DGKZ: variants seen among roughly 807,000 people sequenced by gnomAD.
The protein encoded by DGKZ is DAG kinase zeta.
Under a neutral mutation model 142.5 loss-of-function variants are expected in DGKZ, and 45 were observed. The ratio of observed to expected loss-of-function variants is 0.32; its 90% CI spans 0.25 to 0.40. The LOEUF is 0.40. Ranked by LOEUF, DGKZ falls within the 10% of genes least tolerant of loss-of-function variation. The pLI, the probability that DGKZ is intolerant of heterozygous loss-of-function variation, is 1.00. For synonymous variants in DGKZ, 442 were observed against 527.0 expected, an observed-to-expected ratio of 0.84 and a Z score of 2.21; for missense variants, 755 against 1,306.5, an observed-to-expected ratio of 0.58 and a Z score of 6.51.
Position 46,368,083 on chromosome 11 carries a change from G to A in DGKZ, c.444+4G>A, listed in dbSNP as rs1372141226. On this transcript the variant is annotated splice_donor_region_variant and intron_variant, in intron 4 of 30. Coordinates refer to ENST00000527911, the Ensembl canonical transcript of DGKZ. Reference sequence around the variant, plus strand: ...CTGCATCGAGCAGCTGGAGAAGGTGGGTGGGTAGCTCAGCTTTGCCCGCCC... The same window carrying A: ...CTGCATCGAGCAGCTGGAGAAGGTGAGTGGGTAGCTCAGCTTTGCCCGCCC... 4.3e-6 allele frequency: 7 copies of A among 1,613,964 alleles called. No individual in the cohort carries two copies. The highest frequency in any genetic ancestry group is 5.9e-6 in the Non-Finnish European group (7 of 1,180,010).
chr11:46,378,593 AG>A (rs1565088273), intron 27 of DGKZ, 93 bp downstream of exon 27: 1 of 1,523,176 alleles, frequency 6.6e-7, no homozygotes, highest in Non-Finnish European at 9.1e-7. Context: ...TGACCTGCTC[AG>A]GTGCTGTCAT....
chr11:46,379,961 G>A (rs1214794173), exon 31 of DGKZ: 1 of 1,594,672 alleles, frequency 6.3e-7, no homozygotes, highest in Non-Finnish European at 8.5e-7. Flanking sequence ...GCCGCCCACG[G>A]GCAGCAGGAG....
At chr11:46,366,735 G>A (rs1943325115) in intron 1 of DGKZ, 1 of 1,552,334 alleles carries the variant, frequency 6.4e-7, no homozygotes, top group Non-Finnish European at 8.7e-7. Flanking sequence ...CGCTACCTGC[G>A]CCGAGCCTCC....
chr11:46,373,528 CTCACTG>C (rs1040029013), intron 14 of DGKZ, among the ~76,000 whole-genome samples: 1 of 147,002 alleles, frequency 6.8e-6, no homozygotes, highest in African/African-American at 2.5e-5. Context: ...GTGACAGAGT[CTCACTG>C]TCACCCAGGC....
chr11:46,345,176 C>T, upstream of DGKZ: 1 of 1,039,166 alleles, frequency 9.6e-7, no homozygotes, highest in Non-Finnish European at 1.3e-6. The surrounding 1 kb of genome is among the most constrained non-coding windows in gnomAD (Gnocchi z 4.1). Context: ...GGTGCAGATT[C>T]CAGCCCAAGC....
At position 46,372,386 on chromosome 11, in the gene DGKZ, C is replaced by T; in HGVS notation, c.928-42C>T. 6.2e-7 allele frequency: 1 copy of T among 1,605,986 alleles called. No individual in the cohort carries two copies. The highest frequency in any genetic ancestry group is 8.5e-7 in the Non-Finnish European group (1 of 1,172,856). ...CTCCCTCTGCTGCTCCCACTTCGTC[C>T]CACCACTGCCTGACTGTCTCTTGGC... On this transcript the variant is annotated intron_variant, in intron 10 of 30. Coordinates refer to ENST00000527911, the Ensembl canonical transcript of DGKZ. The surrounding 1 kb of genome is among the most constrained non-coding windows in gnomAD (Gnocchi z 5.9).
At position 46,347,502 on chromosome 11, in the gene DGKZ, A is replaced by G. The variant is rs1215073877; in HGVS notation, c.-158A>G. On this transcript the variant is annotated 5_prime_UTR_variant, in exon 1 of 31. Coordinates refer to ENST00000527911, the Ensembl canonical transcript of DGKZ. This position sits in a 1 kb window ranked among gnomAD's most constrained non-coding sequence, Gnocchi z 6.4. ...CGGCGGCGGCAGCGGCTTCCCGGGCACCTGGGCGTGGGGAGCGGGGGCGCG... is the reference window on the plus strand; with the variant it reads ...CGGCGGCGGCAGCGGCTTCCCGGGCGCCTGGGCGTGGGGAGCGGGGGCGCG... 9.2e-6 allele frequency: 9 copies of G among 981,410 alleles called. No homozygotes were observed. Among genetic ancestry groups the G allele is most frequent in the Non-Finnish European group, 9.7e-6 (8 of 828,764 alleles). 60.8% of individuals were successfully genotyped at this position (981,410 alleles called of 1,614,324 possible).
chr11:46,375,300 C>T (rs1010576589), intron 19 of DGKZ, 132 bp from the exon 20 acceptor site: 1 of 1,092,644 alleles, frequency 9.2e-7, no homozygotes, highest in Non-Finnish European at 1.3e-6. Flanking sequence ...TCAGCCTCCC[C>T]TCTGCCCTCT....
At chr11:46,351,572 A>T (rs190380201) in intron 1 of DGKZ, among the ~76,000 whole-genome samples, 69 of 152,304 alleles carry the variant, frequency 4.5e-4, no homozygotes, top group African/African-American at 1.6e-3. Flanking sequence ...TGCAGAGGTG[A>T]GAACCCTGTC....
Position 46,372,559 on chromosome 11 carries a change from C to A in DGKZ, c.1010+49C>A, listed in dbSNP as rs776975371. ...GGGGGACATGGGGGGGAACTTGCCT[C>A]ACTCCTGGGGTACAGCACACATCCC... On this transcript the variant is annotated intron_variant, in intron 11 of 30. Coordinates refer to ENST00000527911, the Ensembl canonical transcript of DGKZ. The surrounding 1 kb of genome is among the most constrained non-coding windows in gnomAD (Gnocchi z 5.9). 12 of 1,613,832 alleles carry A rather than the reference C, an allele frequency of 7.4e-6. No individual in the cohort carries two copies. In the South Asian group the frequency reaches 1.3e-4, roughly 18 times the overall value.
Position 46,374,566 on chromosome 11 carries a change from C to T in DGKZ, c.1462-38C>T, listed in dbSNP as rs745560610. 17 of 1,600,284 alleles carry T rather than the reference C, an allele frequency of 1.1e-5. 1 individual carries two copies. In the South Asian group the frequency reaches 1.9e-4, roughly 18 times the overall value. ...CTGCCGGGTGCTGGTGAGGAAAGAT[C>T]TCTGTCAGCAGATGGTGACGCCCTC... On this transcript the variant is annotated intron_variant, in intron 16 of 30. Transcript: ENST00000527911.
intron 1 of DGKZ, among the ~76,000 whole-genome samples, chr11:46,335,976 G>A (rs1246962433): frequency 6.6e-6 from 1 of 152,256 alleles, no homozygotes; most frequent in Non-Finnish European, 1.5e-5. Context: ...GTTCCGTGCA[G>A]CTCTGGCTGG....
exon 1 of DGKZ, chr11:46,333,207 G>A: frequency 8.2e-7 from 1 of 1,213,028 alleles, no homozygotes; most frequent in Non-Finnish European, 1.0e-6. Context: ...GGCCCGGGCG[G>A]ACTGGAGACT....
chr11:46,380,211 G>C (rs1945063348), exon 31 of DGKZ: 1 of 370,604 alleles, frequency 2.7e-6, no homozygotes, highest in Admixed American at 4.4e-5. Flanking sequence ...GCCTTTGCCG[G>C]GGTTCTGGGG....
At chr11:46,378,158 T>A (rs1272868928) in intron 25 of DGKZ, 40 bp from the exon 26 acceptor site, 3 of 1,597,050 alleles carry the variant, frequency 1.9e-6, no homozygotes, top group Non-Finnish European at 2.6e-6. Context: ...CCAGCTGGCC[T>A]GTGCCGTAGC....
intron 24 of DGKZ, 106 bp from the exon 25 acceptor site, chr11:46,376,967 C>T: frequency 9.7e-7 from 1 of 1,028,700 alleles, no homozygotes; most frequent in Non-Finnish European, 1.5e-6. Context: ...CACCTCCTTT[C>T]AGTGTTTGTG....
intron 1 of DGKZ, among the ~76,000 whole-genome samples, chr11:46,350,187 G>A (rs762278891): frequency 6.6e-6 from 1 of 152,174 alleles, no homozygotes; most frequent in Non-Finnish European, 1.5e-5. Flanking sequence ...AGAGCAGCAA[G>A]GGAAAGCACT....
chr11:46,351,114 G>T (rs1445721754), intron 1 of DGKZ, among the ~76,000 whole-genome samples: 1 of 152,030 alleles, frequency 6.6e-6, no homozygotes, highest in Non-Finnish European at 1.5e-5. Context: ...TGGGAGAGAA[G>T]TGGACTCTCT....
chr11:46,347,451 G>C, upstream of DGKZ: 3 of 982,330 alleles, frequency 3.1e-6, no homozygotes, highest in South Asian at 1.4e-4. The surrounding 1 kb of genome is among the most constrained non-coding windows in gnomAD (Gnocchi z 6.4). Flanking sequence ...GGGTCCTGCG[G>C]CCGCGGCTGG....
Sources: allele counts gnomAD v4.1 joint callset (sites outside exome capture counted in the v4.1 genomes callset), GRCh38; gene constraint gnomAD v4.1.1; non-coding constraint Gnocchi (gnomAD v3.1); transcripts MANE v1.5; gene names NCBI Gene and HGNC (gene_info 2026-07-23, HGNC 2026-07-21).